PTPN3: variants seen among roughly 807,000 people sequenced by gnomAD.
PTPN3 encodes tyrosine-protein phosphatase non-receptor type 3.
PTPN3 carries 96 observed loss-of-function variants against 132.7 expected under a neutral mutation model. The ratio of observed to expected loss-of-function variants is 0.72; its 90% CI spans 0.61 to 0.86. The LOEUF (loss-of-function observed/expected upper bound fraction) is 0.86, where lower values mean the gene tolerates loss of function less well. Among genes scored for constraint, PTPN3 ranks in the 40% least tolerant of loss-of-function variants. PTPN3 has a pLI of 0.00. For synonymous variants in PTPN3, 398 were observed against 429.0 expected (o/e 0.93, Z 0.89); for missense variants, 1,125 against 1,159.6 (o/e 0.97, Z 0.43).
At chr9:109,505,020 A>T in the PTPN3 span, among the ~76,000 whole-genome samples, 1 of 152,246 alleles carries the variant, frequency 6.6e-6, no homozygotes, top group African/African-American at 2.4e-5. Context: ...ATAGTCATAC[A>T]GTGGTCATGG....
chr9:109,400,187 C>T (rs2131691020), intron 19 of PTPN3, among the ~76,000 whole-genome samples: 1 of 152,280 alleles, frequency 6.6e-6, no homozygotes, highest in Non-Finnish European at 1.5e-5. Flanking sequence ...TTTGGCCTCC[C>T]AAAGTACTGG....
At chr9:109,503,166 C>T (rs1189210810), upstream of PTPN3, among the ~76,000 whole-genome samples, 2 of 152,072 alleles carry the variant, frequency 1.3e-5, no homozygotes, top group Admixed American at 1.3e-4. Flanking sequence ...AAGTGAGAGG[C>T]TCCTTTCATG....
chr9:109,433,081 GA>G lies in PTPN3; in HGVS notation c.755del (p.Phe252SerfsTer5). On this transcript the variant is annotated frameshift_variant, in exon 10 of 26. Transcript: ENST00000374541. LOFTEE classifies it high-confidence loss of function. ...AVYRKYICTS[F>X]YPWVNILKIS... ...GAACTGTTTGCACTTACCAAGGATA[GA>G]AACTTGTGCAAATGTATTTTCGGTA... 6.2e-7 allele frequency: 1 copy of G among 1,614,090 alleles called. No homozygotes were observed.
chr9:109,532,859 G>T, the PTPN3 span: 2 of 1,089,878 alleles, frequency 1.8e-6, no homozygotes, highest in South Asian at 2.3e-5. Flanking sequence ...TTAGCCTCGG[G>T]AGCGGACTAA....
chr9:109,492,578 C>T (rs1048153157), intron 1 of PTPN3, among the ~76,000 whole-genome samples: 1 of 152,188 alleles, frequency 6.6e-6, no homozygotes, highest in African/African-American at 2.4e-5. Flanking sequence ...CAACAGTCAA[C>T]TTAAAGGGAA....
chr9:109,507,026 A>G, the PTPN3 span, among the ~76,000 whole-genome samples: 1 of 152,204 alleles, frequency 6.6e-6, no homozygotes, highest in Non-Finnish European at 1.5e-5. Context: ...GCTGCCTCCA[A>G]ATTTTGCTGA....
chr9:109,517,852 C>T, the PTPN3 span, among the ~76,000 whole-genome samples: 1 of 152,248 alleles, frequency 6.6e-6, no homozygotes, highest in East Asian at 1.9e-4. Flanking sequence ...TGGGTTCCAT[C>T]AGTGGGAGAC....
chr9:109,456,377 G>A (rs192203348), intron 4 of PTPN3, among the ~76,000 whole-genome samples: 9 of 152,340 alleles, frequency 5.9e-5, no homozygotes, highest in Admixed American at 4.6e-4. Flanking sequence ...ACCCCAACAC[G>A]GGTGATGGTA....
chr9:109,469,761 G>A lies in PTPN3; in HGVS notation c.-17-6310C>T, dbSNP rs1588478497. Among the ~76,000 whole-genome samples the A allele has an allele frequency of 3.3e-5, 5 of 152,286 alleles. 2 individuals carry two copies. The South Asian group carries it at 8.3e-4, about 25-fold the overall frequency. ...TGATTTATAAATACCCAATTTGTAA[G>A]TAACCTGTATAAATGAATCATGGGT... On this transcript the variant is annotated intron_variant, in intron 1 of 25. Transcript: ENST00000374541.
intron 8 of PTPN3, 106 bp downstream of exon 8, chr9:109,438,008 G>C: frequency 7.5e-7 from 1 of 1,330,752 alleles, no homozygotes; most frequent in South Asian, 1.8e-5. Context: ...CATCTTGAAA[G>C]AGGATTCATG....
At chr9:109,520,990 C>A in the PTPN3 span, among the ~76,000 whole-genome samples, 5 of 152,200 alleles carry the variant, frequency 3.3e-5, no homozygotes, top group African/African-American at 1.2e-4. Context: ...AAGCACGAGG[C>A]CTGGCATTAC....
At chr9:109,478,083 C>A (rs541670172) in intron 1 of PTPN3, among the ~76,000 whole-genome samples, 14 of 152,220 alleles carry the variant, frequency 9.2e-5, no homozygotes, top group African/African-American at 3.1e-4. Context: ...TTTCAACCTG[C>A]CAGGAGAGAG....
rs555663861 is a variant in PTPN3 at position 109,406,446 on chromosome 9, C to A, written c.1792+16G>T. 1.2e-6 allele frequency: 2 copies of A among 1,611,116 alleles called. No individual in the cohort carries two copies. Among genetic ancestry groups the A allele is most frequent in the African/African-American group, 1.3e-5 (1 of 75,032 alleles). ...GGACAGCTTCCCTATGGCTCCTCCC[C>A]CCAGGTGGCCATTACCTCTCCTCCT... On this transcript the variant is annotated intron_variant, in intron 18 of 25. Coordinates refer to ENST00000374541, the MANE Select transcript of PTPN3 (RefSeq NM_002829.4).
At chr9:109,441,124 C>A (rs189234973) in intron 7 of PTPN3, among the ~76,000 whole-genome samples, 5 of 152,184 alleles carry the variant, frequency 3.3e-5, no homozygotes, top group African/African-American at 9.6e-5. Flanking sequence ...CCTGCTCTTA[C>A]CTACTTACTA....
intron 1 of PTPN3, among the ~76,000 whole-genome samples, chr9:109,463,924 T>C (rs1026603111): frequency 2.0e-5 from 3 of 152,210 alleles, no homozygotes; most frequent in Non-Finnish European, 4.4e-5. Context: ...TGGGAGGAGA[T>C]AGTCGCAATA....
chr9:109,468,588 G>A (rs565301683), intron 1 of PTPN3, among the ~76,000 whole-genome samples: 16 of 151,966 alleles, frequency 1.1e-4, no homozygotes, highest in Non-Finnish European at 1.9e-4. Flanking sequence ...GGATGGTCTC[G>A]ATCTCCTGAC....
Position 109,406,617 on chromosome 9 carries a change from G to A in PTPN3, c.1637C>T (p.Ala546Val), listed in dbSNP as rs1249778129. The A allele has an allele frequency of 5.0e-6, 8 of 1,613,762 alleles. No individual in the cohort carries two copies. The highest frequency in any genetic ancestry group is 4.0e-5 in the African/African-American group (3 of 74,932). ...VVSRINPESP[A>V]DTCIPKLNEG... is the part of the protein sequence containing the mutation. ...GTTCAGCTTAGGAATGCAGGTGTCC[G>A]CCTGGGTGGTGGGGAAAAGCGAGTT... Residue 546 changes from alanine (A) to valine (V), a missense_variant and splice_region_variant, in exon 18 of 26, where the codon GCG (alanine) becomes GTG (valine). By Grantham distance (64) the Ala-to-Val change is moderately conservative. Transcript: ENST00000374541.
chr9:109,413,411 AGAGGACATCAAAT>A (rs1455215865), intron 14 of PTPN3, among the ~76,000 whole-genome samples: 1 of 152,216 alleles, frequency 6.6e-6, no homozygotes, highest in African/African-American at 2.4e-5. Context: ...CAGACGAGGA[AGAGGACATCAAAT>A]GAGGAGATGC....
At chr9:109,418,126 G>C (rs561706778) in intron 14 of PTPN3, among the ~76,000 whole-genome samples, 1 of 152,194 alleles carries the variant, frequency 6.6e-6, no homozygotes, top group Non-Finnish European at 1.5e-5. Flanking sequence ...GGCACGTACT[G>C]TTCCCTAAGC....
Sources: allele counts gnomAD v4.1 joint callset (sites outside exome capture counted in the v4.1 genomes callset), GRCh38; gene constraint gnomAD v4.1.1; transcripts MANE v1.5; gene names NCBI Gene and HGNC (gene_info 2026-07-23, HGNC 2026-07-21).